GPBP1: variants seen among roughly 807,000 people sequenced by gnomAD.
GPBP1 encodes GC-rich promoter binding protein 1, also known as vasculin.
In GPBP1, 13 loss-of-function variants were observed where a neutral mutation model predicts 56.5. That is an observed-to-expected ratio of 0.23 (90% CI 0.15 to 0.37). The LOEUF (loss-of-function observed/expected upper bound fraction) is 0.37. Ranked by LOEUF, GPBP1 falls within the 10% of genes least tolerant of loss-of-function variation. The pLI, the probability that GPBP1 is intolerant of heterozygous loss-of-function variation, is 1.00. For missense variants in GPBP1, 477 were observed against 572.3 expected, an observed-to-expected ratio of 0.83 and a Z score of 1.70; for synonymous variants, 204 against 188.9, an observed-to-expected ratio of 1.08 and a Z score of -0.66.
chr5:57,185,303 C>T (rs1211069300), intron 2 of GPBP1, among the ~76,000 whole-genome samples: 3 of 150,928 alleles, frequency 2.0e-5, no homozygotes, highest in Non-Finnish European at 2.9e-5. Context: ...CTGTTGTTGC[C>T]CAGGCTGGGG....
chr5:57,239,533 C>T (rs1740721506), intron 6 of GPBP1, among the ~76,000 whole-genome samples: 1 of 152,196 alleles, frequency 6.6e-6, no homozygotes, highest in Non-Finnish European at 1.5e-5. Flanking sequence ...GTAATCCCAG[C>T]ACTCTGGGAG....
Position 57,261,273 on chromosome 5 carries a change from T to C in GPBP1, c.1254T>C (p.Ile418=). 1.3e-6 allele frequency: 2 copies of C among 1,592,232 alleles called. No homozygotes were observed. The highest frequency in any genetic ancestry group is 1.7e-6 in the Non-Finnish European group (2 of 1,160,132). The part of the protein sequence containing the change: ...TEDEMREFQV[I]SEQLQKNGLR... ...ATGAAATGAGAGAATTCCAAGTTATTAGTGAACAGGTAAGAAAACCTGAAT... is the reference window on the plus strand; with the variant it reads ...ATGAAATGAGAGAATTCCAAGTTATCAGTGAACAGGTAAGAAAACCTGAAT... Residue 418 remains isoleucine (I), a synonymous_variant, in exon 11 of 12, where the codon ATT becomes ATC. Transcript: ENST00000506184.
chr5:57,237,329 T>G, intron 6 of GPBP1: 1 of 641,638 alleles, frequency 1.6e-6, no homozygotes, highest in African/African-American at 1.8e-5. Context: ...AGTGAGCGTT[T>G]GTCATATAAA....
intron 2 of GPBP1, among the ~76,000 whole-genome samples, chr5:57,208,655 CTTTTTTTT>C (rs70999065): frequency 8.4e-5 from 10 of 119,072 alleles, no homozygotes; most frequent in African/African-American, 1.6e-4. Context: ...TTTTGTTTTT[CTTTTTTTT>C]TTTTTTTTTT....
rs1444644203 is a variant in GPBP1, at chr5:57,183,806, C to CT, written c.-58+7407dup. ...TTTGTTTTGGAGACAGGGTCTCACTCTATCACCCAGGCTGGAGGGCAGTGG... is the reference window on the plus strand; with the variant it reads ...TTTGTTTTGGAGACAGGGTCTCACTCTTATCACCCAGGCTGGAGGGCAGTGG... On this transcript the variant is annotated intron_variant, in intron 2 of 11. Transcript: ENST00000506184. Among the ~76,000 whole-genome samples, 4 of 135,968 alleles carry CT rather than the reference C, an allele frequency of 2.9e-5. No individual in the cohort carries two copies. The South Asian group carries it at 9.2e-4, about 31-fold the overall frequency. 89.2% of individuals were successfully genotyped at this position (135,968 alleles called of 152,430 possible). A position where few individuals can be genotyped will look rare whatever the true frequency, so the allele number is the denominator to read the frequency against.
chr5:57,248,365 AT>A (rs1283893273), intron 8 of GPBP1, among the ~76,000 whole-genome samples: 1 of 149,990 alleles, frequency 6.7e-6, no homozygotes, highest in Non-Finnish European at 1.5e-5. Context: ...CATAGCACTT[AT>A]ATTATTATAC....
chr5:57,193,305 A>G (rs1754607249), intron 2 of GPBP1, among the ~76,000 whole-genome samples: 1 of 151,752 alleles, frequency 6.6e-6, no homozygotes, highest in South Asian at 2.1e-4. Flanking sequence ...GACAAGAGTG[A>G]AACTCCATCT....
intron 2 of GPBP1, among the ~76,000 whole-genome samples, chr5:57,184,365 C>T (rs577550406): frequency 6.6e-6 from 1 of 152,236 alleles, no homozygotes; most frequent in South Asian, 2.1e-4. Context: ...CTTGGTTCAG[C>T]AGGCTGTGTA....
chr5:57,192,532 T>A (rs1165983398), intron 2 of GPBP1, among the ~76,000 whole-genome samples: 2 of 151,990 alleles, frequency 1.3e-5, no homozygotes, highest in African/African-American at 4.8e-5. Context: ...GGTAGGTGGA[T>A]CACCTGAGGT....
chr5:57,244,088 A>C (rs2111910614), intron 6 of GPBP1, among the ~76,000 whole-genome samples: 1 of 152,274 alleles, frequency 6.6e-6, no homozygotes. Flanking sequence ...CCTAAAGTAC[A>C]TTCTTTAGAA....
chr5:57,237,119 A>C (rs1161050456), intron 6 of GPBP1: 1 of 1,547,396 alleles, frequency 6.5e-7, no homozygotes, highest in Non-Finnish European at 8.7e-7. Flanking sequence ...CCAGGCCTAC[A>C]CGCCCAGACA....
intron 5 of GPBP1, among the ~76,000 whole-genome samples, chr5:57,232,113 G>C (rs1561359662): frequency 6.6e-6 from 1 of 152,076 alleles, no homozygotes. Flanking sequence ...CTGGGCTCAG[G>C]CAGTCCTCTC....
intron 3 of GPBP1, among the ~76,000 whole-genome samples, chr5:57,224,287 G>C (rs1756083703): frequency 6.7e-6 from 1 of 150,154 alleles, no homozygotes; most frequent in African/African-American, 2.5e-5. Context: ...TTGTTGCCCA[G>C]GCTGGAGTGC....
intron 6 of GPBP1, among the ~76,000 whole-genome samples, chr5:57,237,662 C>T (rs572716028): frequency 6.6e-6 from 1 of 152,216 alleles, no homozygotes; most frequent in Admixed American, 6.5e-5. Flanking sequence ...CATTGTATCA[C>T]ACTTTACTAT....
At chr5:57,221,195 T>G (rs1023703585) in intron 3 of GPBP1, among the ~76,000 whole-genome samples, 1 of 152,206 alleles carries the variant, frequency 6.6e-6, no homozygotes, top group African/African-American at 2.4e-5. Context: ...GGCAGTGACT[T>G]TTAAACTGTT....
intron 6 of GPBP1, among the ~76,000 whole-genome samples, chr5:57,244,727 ATTTTT>A (rs532660984): frequency 1.1e-5 from 1 of 93,154 alleles, no homozygotes; most frequent in Admixed American, 1.3e-4. Context: ...TTTGTTTGAG[ATTTTT>A]TTTTTTTTTT....
At chr5:57,234,398 C>CT (rs1279286100) in intron 5 of GPBP1, among the ~76,000 whole-genome samples, 1 of 152,092 alleles carries the variant, frequency 6.6e-6, no homozygotes, top group African/African-American at 2.4e-5. Flanking sequence ...CAGATTTGGA[C>CT]TTGGCTTTGG....
intron 3 of GPBP1, among the ~76,000 whole-genome samples, chr5:57,215,018 T>C (rs1223520753): frequency 6.6e-6 from 1 of 152,232 alleles, no homozygotes; most frequent in Non-Finnish European, 1.5e-5. Context: ...ACTAAGCCAT[T>C]TATTTCAAAG....
chr5:57,188,439 A>G (rs535055002), intron 2 of GPBP1, among the ~76,000 whole-genome samples: 1 of 152,220 alleles, frequency 6.6e-6, no homozygotes, highest in East Asian at 1.9e-4. Flanking sequence ...TGTAAAATTT[A>G]ACGTTCAGTG....
Sources: gnomAD v4.1 joint callset for allele counts (sites outside exome capture counted in the v4.1 genomes callset) on GRCh38, gnomAD v4.1.1 for gene constraint, MANE v1.5 for transcripts, NCBI Gene and HGNC (gene_info 2026-07-23, HGNC 2026-07-21) for gene names.